Variants in WDR7 observed in about 807,000 individuals in gnomAD.
The protein encoded by WDR7 is WD repeat domain 7.
WDR7 carries 46 observed loss-of-function variants against 169.4 expected under a neutral mutation model. The ratio of observed to expected loss-of-function variants is 0.27; its 90% CI spans 0.21 to 0.35. WDR7 has a LOEUF of 0.35. Among genes scored for constraint, WDR7 ranks in the 10% least tolerant of loss-of-function variants. The pLI is 1.00. For missense variants in WDR7, 1,534 were observed against 1,859.3 expected (o/e 0.83, Z 3.22); for synonymous variants, 612 against 666.8 (o/e 0.92, Z 1.27).
In WDR7 at chr18:56,915,517, C is replaced by T. The variant is rs553923905; in HGVS notation, c.3527-8405C>T. The stretch of plus-strand genomic sequence containing the variant: ...ATTTTTAAAATATGACCTTTTTCCC[C>T]TTCTTCACTATTCAGATCCAGCAAC... On this transcript the variant is annotated intron_variant, in intron 21 of 27. Transcript: ENST00000254442. Among the ~76,000 whole-genome samples the T allele has an allele frequency of 2.0e-5, 3 of 152,198 alleles. No homozygotes were observed. In the South Asian group the frequency reaches 6.2e-4, roughly 32 times the overall value.
chr18:56,931,851 C>T (rs1383653734), intron 22 of WDR7, among the ~76,000 whole-genome samples: 2 of 152,166 alleles, frequency 1.3e-5, no homozygotes, highest in South Asian at 2.1e-4. Flanking sequence ...AAGGAACAGA[C>T]CTTTAGGGAC....
intron 27 of WDR7, 48 bp downstream of exon 27, chr18:57,020,897 C>T (rs901954264): frequency 1.3e-6 from 2 of 1,560,626 alleles, no homozygotes; most frequent in South Asian, 2.3e-5. Flanking sequence ...GCGTGATATG[C>T]CTTTGGTAGT....
intron 16 of WDR7, among the ~76,000 whole-genome samples, chr18:56,762,293 A>C (rs1405633052): frequency 2.0e-5 from 3 of 151,948 alleles, no homozygotes; most frequent in South Asian, 2.1e-4. Context: ...AGGTTACAAA[A>C]ACTGAGTTGT....
rs35970050 is a variant in WDR7 at position 56,986,176 on chromosome 18, G to A, written c.4164+23647G>A. Reference sequence around the variant, plus strand: ...TGTGTGTGTGTGTGTGTGTGTGTGTGTGTATACATATTCAACTTCATGATT... The same window carrying A: ...TGTGTGTGTGTGTGTGTGTGTGTGTATGTATACATATTCAACTTCATGATT... On this transcript the variant is annotated intron_variant, in intron 26 of 27. Transcript: ENST00000254442. Among the ~76,000 whole-genome samples the A allele has an allele frequency of 8.5e-5, 10 of 117,864 alleles. No homozygotes were observed. The South Asian group carries it at 9.1e-4, about 11-fold the overall frequency. The allele number at this position is 117,864 out of a possible 152,430, so 77.3% of individuals were successfully genotyped here.
chr18:56,903,628 C>T (rs2046434390), intron 21 of WDR7, among the ~76,000 whole-genome samples: 2 of 151,978 alleles, frequency 1.3e-5, no homozygotes, highest in Non-Finnish European at 2.9e-5. Flanking sequence ...CCATGTTGGC[C>T]AGGCTGGTCT....
chr18:56,805,196 C>T (rs2044751077), intron 19 of WDR7, among the ~76,000 whole-genome samples: 1 of 152,154 alleles, frequency 6.6e-6, no homozygotes, highest in African/African-American at 2.4e-5. Context: ...CACAAGTCCA[C>T]CCCTTGTCAG....
At chr18:56,774,117 A>C (rs1313535878) in intron 16 of WDR7, among the ~76,000 whole-genome samples, 2 of 152,102 alleles carry the variant, frequency 1.3e-5, no homozygotes, top group Non-Finnish European at 2.9e-5. Flanking sequence ...TAGGAAGATA[A>C]TGAGATTTAG....
chr18:56,849,965 C>T (rs1343968876), intron 20 of WDR7, among the ~76,000 whole-genome samples: 1 of 152,158 alleles, frequency 6.6e-6, no homozygotes, highest in Non-Finnish European at 1.5e-5. Flanking sequence ...GTGCCTCCAT[C>T]CCTTCACATT....
chr18:56,930,320 G>T (rs987764060), intron 22 of WDR7, among the ~76,000 whole-genome samples: 1 of 152,154 alleles, frequency 6.6e-6, no homozygotes, highest in African/African-American at 2.4e-5. Context: ...TGAATTTTGG[G>T]GGTGAGGAGT....
intron 21 of WDR7, among the ~76,000 whole-genome samples, chr18:56,900,059 T>C (rs1174154026): frequency 2.2e-5 from 1 of 45,928 alleles, no homozygotes; most frequent in Non-Finnish European, 4.6e-5. Flanking sequence ...TGGACACATA[T>C]ATATATGTGT....
the WDR7 span, chr18:57,034,935 T>C: frequency 5.3e-5 from 8 of 151,832 alleles, no homozygotes; most frequent in Non-Finnish European, 1.2e-4. Flanking sequence ...CCTCTAAAAA[T>C]CTTCTGCCCC....
Position 56,691,281 on chromosome 18 carries a change from C to T in WDR7, c.783C>T (p.Thr261=), listed in dbSNP as rs534266436. 2.1e-5 allele frequency: 33 copies of T among 1,607,478 alleles called. No homozygotes were observed. The highest frequency in any genetic ancestry group is 3.3e-4 in the Middle Eastern group (2 of 6,040). ...CTAGTGAAAATGGACAGACATGGAC[C>T]GGGGGGGACTTTGTCTCATCAGATA... ...SGPSENGQTW[T]GGDFVSSDKV... is the part of the protein sequence containing the mutation. The change falls in exon 8 of 28, where the codon ACC becomes ACT. Residue 261 remains threonine, a synonymous_variant. Coordinates refer to ENST00000254442, the MANE Select transcript of WDR7 (RefSeq NM_015285.3).
chr18:56,670,448 C>T (rs560439309), intron 1 of WDR7, among the ~76,000 whole-genome samples: 5 of 152,100 alleles, frequency 3.3e-5, no homozygotes, highest in African/African-American at 9.7e-5. Flanking sequence ...GGTCTCACCA[C>T]GTTGGATTCA....
chr18:56,865,881 T>C (rs1410521674), intron 20 of WDR7, among the ~76,000 whole-genome samples: 2 of 152,200 alleles, frequency 1.3e-5, no homozygotes, highest in Non-Finnish European at 2.9e-5. Flanking sequence ...GTACTAAATA[T>C]ATATAACATT....
chr18:56,679,146 G>A (rs557615055), intron 2 of WDR7, among the ~76,000 whole-genome samples, 186 bp from the exon 3 acceptor site: 48 of 152,328 alleles, frequency 3.2e-4, no homozygotes, highest in African/African-American at 1.1e-3. Context: ...CCAGGCCTGT[G>A]TCTTTCCTTT....
At chr18:56,758,602 A>G (rs2043934441) in intron 15 of WDR7, among the ~76,000 whole-genome samples, 1 of 152,174 alleles carries the variant, frequency 6.6e-6, no homozygotes, top group South Asian at 2.1e-4. Flanking sequence ...AGGGTTAAGT[A>G]TGATGTTAGA....
rs2044031994 is a variant in WDR7 at position 56,764,558 on chromosome 18, A to G, written c.2848+5605A>G. 2.0e-5 allele frequency among the ~76,000 whole-genome samples: 3 copies of G among 152,258 alleles called. No homozygotes were observed. In the South Asian group the frequency reaches 6.2e-4, roughly 32 times the overall value. On this transcript the variant is annotated intron_variant, in intron 16 of 27. Transcript: ENST00000254442. ...ATTTTATGTGTGTTGAGAACACTTA[A>G]AATTACTCCCTCAGCAATTTTTAAG... is the stretch of plus-strand genomic sequence containing the variant.
intron 26 of WDR7, among the ~76,000 whole-genome samples, chr18:56,988,610 T>A (rs1490220574): frequency 6.6e-6 from 1 of 151,350 alleles, no homozygotes; most frequent in Non-Finnish European, 1.5e-5. Flanking sequence ...TGTGTGTGTG[T>A]GTGTGTGTGT....
rs112492121 is a variant in WDR7, at chr18:56,883,878, G to A, written c.3526+3713G>A. ...ATGGCTGAGTAGTACTCCATGGTGT[G>A]TATATATACCACAATTTCTTTATCC... is the stretch of plus-strand genomic sequence containing the variant. On this transcript the variant is annotated intron_variant, in intron 21 of 27. Coordinates refer to ENST00000254442, the MANE Select transcript of WDR7 (RefSeq NM_015285.3). 7.8e-3 allele frequency among the ~76,000 whole-genome samples: 1,180 copies of A among 152,236 alleles called. 20 individuals carry two copies. The highest frequency in any genetic ancestry group is 0.027 in the African/African-American group (1,126 of 41,528).
Sources: gnomAD v4.1 joint callset for allele counts (sites outside exome capture counted in the v4.1 genomes callset) on GRCh38, gnomAD v4.1.1 for gene constraint, MANE v1.5 for transcripts, NCBI Gene and HGNC (gene_info 2026-07-23, HGNC 2026-07-21) for gene names.